DNAAF9: variants seen among roughly 807,000 people sequenced by gnomAD.
The protein encoded by DNAAF9 is shulin.
DNAAF9 carries 90 observed loss-of-function variants against 167.0 expected under a neutral mutation model. The ratio of observed to expected loss-of-function variants is 0.54; its 90% confidence interval spans 0.45 to 0.64. The LOEUF (loss-of-function observed/expected upper bound fraction) is 0.64. Among genes scored for constraint, DNAAF9 ranks in the 30% least tolerant of loss-of-function variants. The pLI, the probability that DNAAF9 is intolerant of heterozygous loss-of-function variation, is 0.00. For missense variants in DNAAF9, 1,315 were observed against 1,442.2 expected (o/e 0.91, Z 1.43); for synonymous variants, 491 against 508.8 (o/e 0.96, Z 0.47).
chr20:3,255,815 G>A (rs565305994), intron 34 of DNAAF9, among the ~76,000 whole-genome samples, 191 bp downstream of exon 34: 1 of 152,334 alleles, frequency 6.6e-6, no homozygotes, highest in Admixed American at 6.5e-5. Context: ...AACATAGCAG[G>A]CCTGCCTGGA....
chr20:3,316,643 C>T, intron 18 of DNAAF9, 80 bp downstream of exon 18: 1 of 993,562 alleles, frequency 1.0e-6, no homozygotes, highest in South Asian at 1.3e-5. Flanking sequence ...ACCAGGGGCC[C>T]AACAAAGAGG....
intron 3 of DNAAF9, among the ~76,000 whole-genome samples, chr20:3,378,486 T>C (rs1470230677): frequency 1.3e-5 from 2 of 152,242 alleles, no homozygotes; most frequent in Non-Finnish European, 2.9e-5. Flanking sequence ...ATCCCAAGAA[T>C]GCAAATAAAC....
At chr20:3,321,276 T>C (rs560641925) in intron 16 of DNAAF9, among the ~76,000 whole-genome samples, 1 of 152,298 alleles carries the variant, frequency 6.6e-6, no homozygotes, top group East Asian at 1.9e-4. Context: ...TGTGTGAACA[T>C]TGTAGAGTGT....
chr20:3,273,521 C>A (rs2068628736), intron 29 of DNAAF9, among the ~76,000 whole-genome samples: 1 of 151,998 alleles, frequency 6.6e-6, no homozygotes, highest in Non-Finnish European at 1.5e-5. Context: ...TGGGAGCCAG[C>A]ATATCACAGT....
chr20:3,351,484 C>T (rs948676174), intron 7 of DNAAF9, among the ~76,000 whole-genome samples: 48 of 117,516 alleles, frequency 4.1e-4, no homozygotes, highest in Middle Eastern at 4.3e-3. Flanking sequence ...GACTCCATCT[C>T]AAAAAAAAAA....
chr20:3,346,174 A>C (rs2070189448), intron 8 of DNAAF9, among the ~76,000 whole-genome samples: 1 of 152,220 alleles, frequency 6.6e-6, no homozygotes, highest in Non-Finnish European at 1.5e-5. Flanking sequence ...TCTATTGGTG[A>C]AGTTGTGCAG....
intron 20 of DNAAF9, among the ~76,000 whole-genome samples, chr20:3,305,648 T>C (rs1044091316): frequency 6.6e-6 from 1 of 152,196 alleles, no homozygotes; most frequent in Non-Finnish European, 1.5e-5. Flanking sequence ...GAGGGCTTCC[T>C]GAGGAGGTGA....
intron 1 of DNAAF9, among the ~76,000 whole-genome samples, chr20:3,406,421 T>A (rs2084055559): frequency 6.6e-6 from 1 of 152,210 alleles, no homozygotes; most frequent in South Asian, 2.1e-4. Flanking sequence ...AACCCTCTCC[T>A]GTTTTAATGA....
chr20:3,399,284 T>C (rs1315145482), intron 1 of DNAAF9, among the ~76,000 whole-genome samples: 1 of 152,068 alleles, frequency 6.6e-6, no homozygotes, highest in Non-Finnish European at 1.5e-5. Context: ...AATGGTGCGA[T>C]CTCGGCTCAC....
intron 3 of DNAAF9, among the ~76,000 whole-genome samples, chr20:3,380,154 G>C (rs1013632178): frequency 6.6e-6 from 1 of 152,162 alleles, no homozygotes; most frequent in African/African-American, 2.4e-5. Context: ...TAGCAATCTG[G>C]GCTGAGGTGA....
rs763656785 is a variant in DNAAF9 at position 3,324,984 on chromosome 20, A to G, written c.1189-16T>C. 6.8e-7 allele frequency: 1 copy of G among 1,477,316 alleles called. No individual in the cohort carries two copies. The allele number at this position is 1,477,316 out of a possible 1,614,324, so 91.5% of individuals were successfully genotyped here. A position where few individuals can be genotyped will look rare whatever the true frequency, so the allele number is the denominator to read the frequency against. On this transcript the variant is annotated splice_polypyrimidine_tract_variant and intron_variant, in intron 13 of 36. Transcript: ENST00000252032. ...CCTCCTTGGCCTGTAAAATAATAAG[A>G]CAGCGACAATTAGCTTTCACAGCAG...
chr20:3,292,251 C>A (rs1255157509), intron 25 of DNAAF9, among the ~76,000 whole-genome samples: 5 of 152,064 alleles, frequency 3.3e-5, no homozygotes, highest in Admixed American at 3.3e-4. Context: ...CCACCTACCT[C>A]GACCTCCCAA....
At chr20:3,332,620 A>AT (rs59726740) in intron 10 of DNAAF9, among the ~76,000 whole-genome samples, 6,113 of 141,392 alleles carry the variant, frequency 0.043, 174 homozygotes, top group African/African-American at 0.083. Flanking sequence ...CACCCAGCTA[A>AT]TTTTTTTTTT....
chr20:3,350,797 T>C (rs947487033), intron 7 of DNAAF9, among the ~76,000 whole-genome samples: 35 of 152,134 alleles, frequency 2.3e-4, no homozygotes, highest in Admixed American at 3.3e-4. Context: ...TATCCAAAGA[T>C]AGAAAAATTT....
At chr20:3,312,476 T>C (rs1054332617) in intron 20 of DNAAF9, among the ~76,000 whole-genome samples, 2 of 151,904 alleles carry the variant, frequency 1.3e-5, no homozygotes, top group Non-Finnish European at 1.5e-5. Context: ...TCAGGCGAGT[T>C]TTCACCTTCT....
chr20:3,336,449 G>A (rs1163856534), intron 10 of DNAAF9, among the ~76,000 whole-genome samples: 2 of 150,836 alleles, frequency 1.3e-5, no homozygotes, highest in African/African-American at 4.9e-5. Context: ...TTGTTCAGAT[G>A]GGTGATTTCT....
chr20:3,296,671 G>T, intron 23 of DNAAF9, 190 bp downstream of exon 23: 1 of 604,274 alleles, frequency 1.7e-6, no homozygotes, highest in Non-Finnish European at 2.9e-6. Flanking sequence ...GTGAGGCACT[G>T]CACATGGCCC....
intron 9 of DNAAF9, among the ~76,000 whole-genome samples, chr20:3,343,249 G>T (rs891483771): frequency 6.6e-6 from 1 of 151,996 alleles, no homozygotes; most frequent in Non-Finnish European, 1.5e-5. Flanking sequence ...TGCAACCTCC[G>T]CCTCCTGGGT....
intron 3 of DNAAF9, among the ~76,000 whole-genome samples, chr20:3,380,422 C>T (rs1316331712): frequency 6.6e-6 from 1 of 152,218 alleles, no homozygotes; most frequent in Non-Finnish European, 1.5e-5. Flanking sequence ...CAGGATTTCT[C>T]AACCTCGGCA....
Sources: allele counts gnomAD v4.1 joint callset (sites outside exome capture counted in the v4.1 genomes callset), GRCh38; gene constraint gnomAD v4.1.1; transcripts MANE v1.5; gene names NCBI Gene and HGNC (gene_info 2026-07-23, HGNC 2026-07-21).